The following NUF2 variants were observed in gnomAD, a reference collection of about 807,000 sequenced individuals.
NUF2 encodes kinetochore protein Nuf2.
NUF2 carries 34 observed loss-of-function variants against 61.8 expected under a neutral mutation model. That is an observed-to-expected ratio of 0.55 (90% CI 0.42 to 0.73). NUF2 has a LOEUF of 0.73. Ranked by LOEUF, NUF2 falls within the 30% of genes least tolerant of loss-of-function variation. The pLI is 0.00. For missense variants in NUF2, 445 were observed against 539.1 expected (o/e 0.83, Z 1.73); for synonymous variants, 172 against 181.6 (o/e 0.95, Z 0.42).
intron 8 of NUF2, among the ~76,000 whole-genome samples, chr1:163,340,016 C>G (rs1509024): frequency 0.59 from 89,135 of 151,994 alleles, 26,565 homozygotes; most frequent in South Asian, 0.68. Context: ...TACGCTCCAA[C>G]GTACGTGAAT....
At chr1:163,335,179 C>G (rs1303415688) in intron 5 of NUF2, among the ~76,000 whole-genome samples, 1 of 152,224 alleles carries the variant, frequency 6.6e-6, no homozygotes, top group East Asian at 1.9e-4. Flanking sequence ...GTCTCAATCT[C>G]TTGACCTTGT....
intron 5 of NUF2, among the ~76,000 whole-genome samples, chr1:163,336,060 T>G (rs1428121838): frequency 6.7e-6 from 1 of 149,608 alleles, no homozygotes; most frequent in East Asian, 1.9e-4. Context: ...ATTTGTGTTA[T>G]GTTTTAATAT....
chr1:163,327,755 C>CAT, intron 3 of NUF2, 193 bp downstream of exon 3: 1 of 543,602 alleles, frequency 1.8e-6, no homozygotes, highest in South Asian at 2.6e-5. Flanking sequence ...GGTTTATATC[C>CAT]ATAGATTTAG....
intron 9 of NUF2, among the ~76,000 whole-genome samples, chr1:163,342,463 A>G (rs1178603265): frequency 2.0e-5 from 3 of 152,200 alleles, no homozygotes; most frequent in Non-Finnish European, 4.4e-5. Context: ...GGTGGTTTGC[A>G]GAACTCTAAG....
intron 5 of NUF2, among the ~76,000 whole-genome samples, chr1:163,333,238 A>C (rs1162031618): frequency 6.6e-6 from 1 of 152,136 alleles, no homozygotes; most frequent in South Asian, 2.1e-4. Flanking sequence ...TAACATAGCT[A>C]CTTCAGGTTT....
chr1:163,328,692 G>A (rs1327016088), intron 4 of NUF2, 154 bp from the exon 5 acceptor site: 1 of 586,652 alleles, frequency 1.7e-6, no homozygotes, highest in African/African-American at 1.9e-5. Context: ...CAGTGCTATA[G>A]GGTTATACAT....
At chr1:163,324,900 C>CTTTT (rs67548511) in intron 1 of NUF2, among the ~76,000 whole-genome samples, 1 of 122,968 alleles carries the variant, frequency 8.1e-6, no homozygotes. Flanking sequence ...TCTTTTCTTT[C>CTTTT]TTTTTTTTTT....
At chr1:163,355,070 T>A (rs1347261541) in intron 13 of NUF2, among the ~76,000 whole-genome samples, 1 of 152,102 alleles carries the variant, frequency 6.6e-6, no homozygotes, top group African/African-American at 2.4e-5. Context: ...ATTATAAATA[T>A]GTTTGTTCTT....
intron 13 of NUF2, among the ~76,000 whole-genome samples, chr1:163,352,918 C>G (rs943354662): frequency 6.6e-6 from 1 of 152,100 alleles, no homozygotes; most frequent in African/African-American, 2.4e-5. Flanking sequence ...ATTTAAGGTC[C>G]AGTAGAAACT....
chr1:163,327,662 A>C, intron 3 of NUF2, 100 bp downstream of exon 3: 1 of 723,514 alleles, frequency 1.4e-6, no homozygotes, highest in South Asian at 1.7e-5. Context: ...CTTTTAGGAT[A>C]GGAAGTTCTT....
At chr1:163,355,269 T>C in intron 13 of NUF2, 66 bp from the exon 14 acceptor site, 1 of 1,249,108 alleles carries the variant, frequency 8.0e-7, no homozygotes, top group Admixed American at 2.4e-5. Context: ...TTGGAATTCT[T>C]ATAACTCATT....
At chr1:163,333,652 C>T (rs1342519511) in intron 5 of NUF2, among the ~76,000 whole-genome samples, 3 of 151,922 alleles carry the variant, frequency 2.0e-5, no homozygotes, top group Non-Finnish European at 4.4e-5. Context: ...CTTTAACATA[C>T]CATTGTCTAT....
At chr1:163,335,316 A>G (rs2101675383) in intron 5 of NUF2, among the ~76,000 whole-genome samples, 1 of 152,298 alleles carries the variant, frequency 6.6e-6, no homozygotes. Context: ...CTTGGAACCA[A>G]TATCTAGCAG....
chr1:163,343,942 G>A lies in NUF2; in HGVS notation c.807+72G>A. 3.0e-6 allele frequency: 3 copies of A among 986,586 alleles called. No individual in the cohort carries two copies. The South Asian group carries it at 9.3e-5, about 31-fold the overall frequency. The allele number at this position is 986,586 out of a possible 1,614,324, so 61.1% of individuals were successfully genotyped here. A position where few individuals can be genotyped will look rare whatever the true frequency, so the allele number is the denominator to read the frequency against. ...TTAGCAAATTCTTGTTTAATTATGTGTTAATTTTTGGATTTCTGAATTATC... is the reference window on the plus strand; with the variant it reads ...TTAGCAAATTCTTGTTTAATTATGTATTAATTTTTGGATTTCTGAATTATC... On this transcript the variant is annotated intron_variant, in intron 10 of 13. Transcript: ENST00000271452.
chr1:163,342,269 G>A (rs1336306166), intron 9 of NUF2, among the ~76,000 whole-genome samples: 1 of 151,800 alleles, frequency 6.6e-6, no homozygotes, highest in African/African-American at 2.4e-5. Context: ...CATCTGAGTA[G>A]TACTTACTAT....
chr1:163,337,416 GAAAA>G (rs1650797310), intron 6 of NUF2, among the ~76,000 whole-genome samples: 1 of 151,982 alleles, frequency 6.6e-6, no homozygotes, highest in Non-Finnish European at 1.5e-5. Flanking sequence ...CATACTCTTA[GAAAA>G]ACACCAGAGT....
At chr1:163,353,665 A>C (rs1027318189) in intron 13 of NUF2, among the ~76,000 whole-genome samples, 2 of 152,224 alleles carry the variant, frequency 1.3e-5, no homozygotes, top group Non-Finnish European at 2.9e-5. Flanking sequence ...AGGGTGGATT[A>C]ATATAGTAAA....
chr1:163,338,620 A>G (rs1174283910), intron 7 of NUF2, among the ~76,000 whole-genome samples: 5 of 152,088 alleles, frequency 3.3e-5, no homozygotes, highest in Non-Finnish European at 5.9e-5. Context: ...CTTTGAGGTT[A>G]TCTGTTTTAG....
At chr1:163,323,298 G>A (rs2101661385) in intron 1 of NUF2, among the ~76,000 whole-genome samples, 1 of 152,300 alleles carries the variant, frequency 6.6e-6, no homozygotes, top group East Asian at 1.9e-4. Flanking sequence ...TTTTTCTGAA[G>A]TCTTTCTTTG....
Sources: allele counts gnomAD v4.1 joint callset (sites outside exome capture counted in the v4.1 genomes callset), GRCh38; gene constraint gnomAD v4.1.1; transcripts MANE v1.5; gene names NCBI Gene and HGNC (gene_info 2026-07-23, HGNC 2026-07-21).